Variants in XKR4 observed in about 807,000 individuals in gnomAD.
XKR4 encodes the protein XK-related protein 4.
In XKR4, 12 loss-of-function variants were observed where a neutral mutation model predicts 53.9. The ratio of observed to expected loss-of-function variants is 0.22; its 90% CI spans 0.14 to 0.36. The LOEUF (loss-of-function observed/expected upper bound fraction) is 0.36, where lower values mean the gene tolerates loss of function less well. XKR4 is among the 10% of genes least tolerant of loss of function. XKR4 has a pLI of 1.00. For synonymous variants in XKR4, 354 were observed against 362.4 expected (o/e 0.98, Z 0.26); for missense variants, 799 against 859.5 (o/e 0.93, Z 0.88).
At chr8:55,516,509 G>A (rs1388861161) in intron 2 of XKR4, among the ~76,000 whole-genome samples, 2 of 152,246 alleles carry the variant, frequency 1.3e-5, no homozygotes, top group South Asian at 4.2e-4. Flanking sequence ...AAGAAATGGG[G>A]AGAGAAAAAG....
intron 1 of XKR4, among the ~76,000 whole-genome samples, chr8:55,261,436 A>T (rs1818524080): frequency 6.6e-6 from 1 of 152,234 alleles, no homozygotes; most frequent in Non-Finnish European, 1.5e-5. Flanking sequence ...TATGGTTTTT[A>T]AAAATATTAT....
intron 1 of XKR4, among the ~76,000 whole-genome samples, chr8:55,144,892 C>T (rs905394754): frequency 2.8e-5 from 4 of 143,992 alleles, no homozygotes; most frequent in East Asian, 2.1e-4. Context: ...AGTGCAGTGG[C>T]GCAATCTTGG....
intron 2 of XKR4, chr8:55,455,125 T>A (rs896878490): frequency 1.1e-5 from 7 of 629,390 alleles, no homozygotes; most frequent in Non-Finnish European, 1.8e-5. Flanking sequence ...GGAAGTAGTC[T>A]GTGATCCGCG....
At chr8:55,478,877 C>A (rs1243983847) in intron 2 of XKR4, among the ~76,000 whole-genome samples, 1 of 152,078 alleles carries the variant, frequency 6.6e-6, no homozygotes, top group Non-Finnish European at 1.5e-5. Context: ...GCACCCAATA[C>A]AGGAGCACCC....
intron 2 of XKR4, among the ~76,000 whole-genome samples, chr8:55,418,116 G>T (rs1051823656): frequency 6.6e-6 from 1 of 152,218 alleles, no homozygotes; most frequent in Non-Finnish European, 1.5e-5. Flanking sequence ...CCATCCCCCT[G>T]AGAGGGAAGC....
intron 1 of XKR4, among the ~76,000 whole-genome samples, chr8:55,308,207 C>T (rs376527095): frequency 2.0e-5 from 3 of 152,060 alleles, no homozygotes; most frequent in East Asian, 1.9e-4. Flanking sequence ...GAGCCGAGAT[C>T]GTGCCATTGT....
chr8:55,381,556 A>G lies in XKR4; in HGVS notation c.1006+23679A>G, dbSNP rs1222127831. Among the ~76,000 whole-genome samples the G allele has an allele frequency of 2.0e-5, 3 of 152,328 alleles. No individual in the cohort carries two copies. The South Asian group carries it at 6.2e-4, about 32-fold the overall frequency. On this transcript the variant is annotated intron_variant, in intron 2 of 2. Coordinates refer to ENST00000327381, the MANE Select transcript of XKR4 (RefSeq NM_052898.2). ...ACTTTTGATGTCCGAGGGGAGGAGA[A>G]GGGTGTCCCAGCCTCAGAAAAGGCA...
chr8:55,460,889 C>A (rs888924371), intron 2 of XKR4, among the ~76,000 whole-genome samples: 3 of 152,202 alleles, frequency 2.0e-5, no homozygotes, highest in African/African-American at 7.2e-5. Flanking sequence ...ATTGCTAGCA[C>A]AGCAGTCTGA....
chr8:55,490,882 C>T (rs1351120670), intron 2 of XKR4, among the ~76,000 whole-genome samples: 1 of 151,976 alleles, frequency 6.6e-6, no homozygotes, highest in South Asian at 2.1e-4. Flanking sequence ...TTACAGTTTC[C>T]TCAAATTTAG....
chr8:55,476,482 G>A lies in XKR4; in HGVS notation c.1007-46799G>A, dbSNP rs1008621185. ...CCAATCTACAGCTCCCAGCGTGAGCGACACAGAAGATGGGTGATTTCTGCA... is the reference window on the plus strand; with the variant it reads ...CCAATCTACAGCTCCCAGCGTGAGCAACACAGAAGATGGGTGATTTCTGCA... On this transcript the variant is annotated intron_variant, in intron 2 of 2. Coordinates refer to ENST00000327381, the MANE Select transcript of XKR4 (RefSeq NM_052898.2). 6.6e-5 allele frequency among the ~76,000 whole-genome samples: 10 copies of A among 152,132 alleles called. No individual in the cohort carries two copies. The South Asian group carries it at 1.0e-3, about 16-fold the overall frequency.
At chr8:55,305,666 G>C (rs1416869229) in intron 1 of XKR4, among the ~76,000 whole-genome samples, 1 of 152,066 alleles carries the variant, frequency 6.6e-6, no homozygotes, top group Non-Finnish European at 1.5e-5. Context: ...TTACTGATTA[G>C]CTTAACAAAC....
chr8:55,380,217 G>A (rs1314072074), intron 2 of XKR4, among the ~76,000 whole-genome samples: 1 of 152,180 alleles, frequency 6.6e-6, no homozygotes, highest in Non-Finnish European at 1.5e-5. Flanking sequence ...TAGGTTTTAG[G>A]CACACACTTA....
intron 1 of XKR4, among the ~76,000 whole-genome samples, chr8:55,306,401 G>T (rs1200034089): frequency 6.6e-6 from 1 of 152,208 alleles, no homozygotes; most frequent in Non-Finnish European, 1.5e-5. Flanking sequence ...ATGACATGGT[G>T]ATTTGTCCAT....
intron 1 of XKR4, among the ~76,000 whole-genome samples, chr8:55,337,384 G>A (rs888566657): frequency 6.6e-6 from 1 of 152,112 alleles, no homozygotes; most frequent in Non-Finnish European, 1.5e-5. Flanking sequence ...CACCTTAAGA[G>A]GGTCTGCATG....
At position 55,385,666 on chromosome 8, in the gene XKR4, G is replaced by A. The variant is rs545527129; in HGVS notation, c.1006+27789G>A. Among the ~76,000 whole-genome samples the A allele has an allele frequency of 1.2e-4, 18 of 152,192 alleles. No individual in the cohort carries two copies. The East Asian group carries it at 2.9e-3, about 25-fold the overall frequency. The stretch of plus-strand genomic sequence containing the variant: ...TCCAAGAAAATTGCTTTGAAATATC[G>A]GTCATTAGAGATTTCATGTGTACAT... On this transcript the variant is annotated intron_variant, in intron 2 of 2. Coordinates refer to ENST00000327381, the MANE Select transcript of XKR4 (RefSeq NM_052898.2).
rs777416122 is a variant in XKR4 at position 55,357,792 on chromosome 8, G to A, written c.921G>A (p.Leu307=). Residue 307 remains leucine, a synonymous_variant, in exon 2 of 3, where the codon TTG becomes TTA. Transcript: ENST00000327381. ...YEYADVSMLH[L]LATFLESAPQ... ...ATGCGGATGTGAGTATGCTGCATTT[G>A]CTAGCCACCTTTCTGGAAAGTGCTC... The A allele has an allele frequency of 8.7e-6, 14 of 1,614,048 alleles. No individual in the cohort carries two copies. Among genetic ancestry groups the A allele is most frequent in the Admixed American group, 3.3e-5 (2 of 60,000 alleles).
At chr8:55,400,622 T>G (rs551547526) in intron 2 of XKR4, among the ~76,000 whole-genome samples, 71 of 152,284 alleles carry the variant, frequency 4.7e-4, no homozygotes, top group Non-Finnish European at 9.1e-4. Context: ...CTGAGTCAGC[T>G]TCTCCCCACA....
At chr8:55,523,141 CAAA>C (rs35183687) in intron 2 of XKR4, 137 bp from the exon 3 acceptor site, 6,493 of 577,530 alleles carry the variant, frequency 0.011, no homozygotes, top group South Asian at 0.021. Context: ...GACTCTGTCT[CAAA>C]AAAAAAAAAA....
intron 1 of XKR4, among the ~76,000 whole-genome samples, chr8:55,109,089 T>C (rs981176118): frequency 6.6e-6 from 1 of 152,114 alleles, no homozygotes; most frequent in Non-Finnish European, 1.5e-5. Flanking sequence ...GTGGGACCTA[T>C]AGGAAGAGAT....
Sources: allele counts gnomAD v4.1 joint callset (sites outside exome capture counted in the v4.1 genomes callset), GRCh38; gene constraint gnomAD v4.1.1; transcripts MANE v1.5; gene names NCBI Gene and HGNC (gene_info 2026-07-23, HGNC 2026-07-21).